ZNF555: variants seen among roughly 807,000 people sequenced by gnomAD.
ZNF555 encodes zinc finger protein 555.
A neutral mutation model predicts 14.0 loss-of-function variants in ZNF555; 10 were observed. That is an observed-to-expected ratio of 0.72 (90% CI 0.44 to 1.21). The LOEUF is 1.21. Among genes scored for constraint, ZNF555 ranks in the 50% most tolerant of loss-of-function variants. The pLI is 0.00. For synonymous variants in ZNF555, 277 were observed against 262.4 expected, an observed-to-expected ratio of 1.06 and a Z score of -0.54; for missense variants, 747 against 762.0, an observed-to-expected ratio of 0.98 and a Z score of 0.23.
At chr19:2,846,447 A>G (rs953896127) in intron 1 of ZNF555, among the ~76,000 whole-genome samples, 1 of 152,216 alleles carries the variant, frequency 6.6e-6, no homozygotes, top group Non-Finnish European at 1.5e-5. Flanking sequence ...TGGACCAGCC[A>G]GCACCCCTGA....
Position 2,853,190 on chromosome 19 carries a change from GA to G in ZNF555, c.1126del (p.Thr376ProfsTer40). 6.2e-7 allele frequency: 1 copy of G among 1,612,534 alleles called. No individual in the cohort carries two copies. The highest frequency in any genetic ancestry group is 8.5e-7 in the Non-Finnish European group (1 of 1,179,576). On this transcript the variant is annotated frameshift_variant, in exon 4 of 4. Coordinates refer to ENST00000334241, the MANE Select transcript of ZNF555 (RefSeq NM_152791.5). LOFTEE classifies it low-confidence loss of function (END_TRUNC). ...KPYECKQCGK[T>X]FIYPQSFRRH... ...CCTACGAATGCAAACAGTGTGGGAA[GA>G]CCTTCATTTATCCCCAGTCCTTTCG...
chr19:2,847,357 G>T (rs146101620), intron 1 of ZNF555: 5 of 152,152 alleles, frequency 3.3e-5, no homozygotes, highest in African/African-American at 9.7e-5. Flanking sequence ...GTCAGCGGAG[G>T]GGGGAGGGAT....
In ZNF555 at chr19:2,853,576, C is replaced by T. The variant is rs1261742842; in HGVS notation, c.1511C>T (p.Ala504Val). The T allele has an allele frequency of 3.5e-5, 56 of 1,608,938 alleles. No individual in the cohort carries two copies. In the Admixed American group the frequency reaches 8.4e-4, roughly 24 times the overall value. ...SLQKHMRRHT[A>V]EKLYKCKQCG... Reference sequence around the variant, plus strand: ...CAAAAACATATGAGAAGACATACCGCAGAGAAACTCTATAAATGCAAGCAG... The same window carrying T: ...CAAAAACATATGAGAAGACATACCGTAGAGAAACTCTATAAATGCAAGCAG... Residue 504 changes from alanine to valine, a missense_variant, in exon 4 of 4, where the codon GCA (alanine) becomes GTA (valine). Transcript: ENST00000334241.
At chr19:2,849,059 C>T (rs1031902509) in intron 1 of ZNF555, among the ~76,000 whole-genome samples, 6 of 152,134 alleles carry the variant, frequency 3.9e-5, no homozygotes, top group Non-Finnish European at 8.8e-5. Flanking sequence ...TTAAGGCTAA[C>T]CCAGGGAGCT....
At chr19:2,844,096 T>C (rs55998086) in intron 1 of ZNF555, among the ~76,000 whole-genome samples, 103,383 of 135,928 alleles carry the variant, frequency 0.76, 39,538 homozygotes, top group Admixed American at 0.82. Flanking sequence ...TCTCTCTCTT[T>C]TCTTTTTTTT....
Position 2,851,493 on chromosome 19 carries a change from T to G in ZNF555, c.156T>G (p.Ser52Arg), listed in dbSNP as rs139695647. The G allele has an allele frequency of 1.3e-6, 2 of 1,588,708 alleles. No homozygotes were observed. Among genetic ancestry groups the G allele is most frequent in the South Asian group, 2.3e-5 (2 of 86,162 alleles). The change falls in exon 3 of 4, where the codon AGT (serine) becomes AGG (arginine). Residue 52 changes from serine (S) to arginine (R), a missense_variant. Ser to Arg is a moderately radical substitution (Grantham distance 110). Coordinates refer to ENST00000334241, the MANE Select transcript of ZNF555 (RefSeq NM_152791.5). ...ATGATGAAACTCAATTTAAGGCCAG[T>G]GGGTCAGTTTCTCAGCAGGATATTT... ...SVDDETQFKA[S>R]GSVSQQDIYG...
chr19:2,844,966 T>C (rs1473866778), intron 1 of ZNF555, among the ~76,000 whole-genome samples: 3 of 151,954 alleles, frequency 2.0e-5, no homozygotes, highest in African/African-American at 7.2e-5. Context: ...GGAATCATTA[T>C]TTTTTTAATT....
Position 2,857,358 on chromosome 19 carries a change from C to T in ZNF555, c.*3406C>T, listed in dbSNP as rs2087691856. 6.6e-6 allele frequency: 1 copy of T among 152,076 alleles called. No homozygotes were observed. The highest frequency in any genetic ancestry group is 2.4e-5 in the African/African-American group (1 of 41,388). The allele number at this position is 152,076 out of a possible 1,614,324, so 9.4% of individuals were successfully genotyped here. Reference sequence around the variant, plus strand: ...GTTTGAAGGCTTAACCTGTGCTTAACCTATATTGGGCATTGTCAAGACTTA... The same window carrying T: ...GTTTGAAGGCTTAACCTGTGCTTAATCTATATTGGGCATTGTCAAGACTTA... On this transcript the variant is annotated 3_prime_UTR_variant, in exon 4 of 4. Coordinates refer to ENST00000334241, the MANE Select transcript of ZNF555 (RefSeq NM_152791.5).
At position 2,857,879 on chromosome 19, in the gene ZNF555, A is replaced by G. The variant is rs2087697038; in HGVS notation, c.*3927A>G. ...ATACAAAACATTCCTGAAACTTGAC[A>G]TGTAAGTTCGCAATAAGACTTTTCC... On this transcript the variant is annotated 3_prime_UTR_variant, in exon 4 of 4. Transcript: ENST00000334241. 6.6e-6 allele frequency: 1 copy of G among 152,186 alleles called. No individual in the cohort carries two copies. Among genetic ancestry groups the G allele is most frequent in the East Asian group, 1.9e-4 (1 of 5,182 alleles). 9.4% of individuals were successfully genotyped at this position (152,186 alleles called of 1,614,324 possible). A position where few individuals can be genotyped will look rare whatever the true frequency, so the allele number is the denominator to read the frequency against.
rs1211031342 is a variant in ZNF555 at position 2,852,952 on chromosome 19, C to G, written c.887C>G (p.Ser296Cys). Residue 296 changes from serine (S) to cysteine (C), a missense_variant, in exon 4 of 4, where the codon TCC (serine) becomes TGC (cysteine). Ser to Cys is a moderately radical substitution (Grantham distance 112). Coordinates refer to ENST00000334241, the MANE Select transcript of ZNF555 (RefSeq NM_152791.5). Reference protein sequence around the residue: ...CKECAEAFSYSSTFRRHMISH... With the variant: ...CKECAEAFSYCSTFRRHMISH... ...GAATGTGCGGAAGCCTTTAGTTATT[C>G]CTCAACTTTTCGAAGACATATGATT... 4 of 1,614,192 alleles carry G rather than the reference C, an allele frequency of 2.5e-6. No individual in the cohort carries two copies. Among genetic ancestry groups the G allele is most frequent in the Non-Finnish European group, 3.4e-6 (4 of 1,180,038 alleles).
At position 2,851,492 on chromosome 19, in the gene ZNF555, G is replaced by T. The variant is rs778058539; in HGVS notation, c.155G>T (p.Ser52Ile). 1.9e-6 allele frequency: 3 copies of T among 1,588,260 alleles called. No homozygotes were observed. Among genetic ancestry groups the T allele is most frequent in the African/African-American group, 2.7e-5 (2 of 73,286 alleles). The change falls in exon 3 of 4, where the codon AGT becomes ATT. Residue 52 changes from serine to isoleucine, a missense_variant. Coordinates refer to ENST00000334241, the MANE Select transcript of ZNF555 (RefSeq NM_152791.5). Reference protein sequence around the residue: ...SVDDETQFKASGSVSQQDIYG... With the variant: ...SVDDETQFKAIGSVSQQDIYG... ...GATGATGAAACTCAATTTAAGGCCA[G>T]TGGGTCAGTTTCTCAGCAGGATATT...
intron 1 of ZNF555, chr19:2,847,462 G>A (rs1398179625): frequency 2.0e-5 from 3 of 152,094 alleles, no homozygotes; most frequent in African/African-American, 7.2e-5. Flanking sequence ...CCTGCACATT[G>A]TGCACATGTA....
chr19:2,841,615 A>G (rs2087536489), intron 1 of ZNF555, 40 bp downstream of exon 1: 3 of 1,491,206 alleles, frequency 2.0e-6, no homozygotes, highest in African/African-American at 2.9e-5. Flanking sequence ...GCGGGGCAGC[A>G]GGAACCGGCG....
chr19:2,842,070 C>A (rs948688042), intron 1 of ZNF555, among the ~76,000 whole-genome samples: 5 of 152,028 alleles, frequency 3.3e-5, no homozygotes, highest in Admixed American at 3.3e-4. Flanking sequence ...CGCTCGCGCT[C>A]CCGCGGCTCA....
In ZNF555 at chr19:2,852,992, G is replaced by T; in HGVS notation, c.927G>T (p.Glu309Asp). The T allele has an allele frequency of 6.2e-7, 1 of 1,614,228 alleles. No individual in the cohort carries two copies. ...FRRHMISHTGEKPHKCKECGE... is the reference protein window; with the variant it reads ...FRRHMISHTGDKPHKCKECGE... ...GACATATGATTTCACACACTGGAGA[G>T]AAGCCACATAAATGTAAAGAATGTG... Residue 309 changes from glutamate to aspartate, a missense_variant, in exon 4 of 4, where the codon GAG becomes GAT. Glu to Asp is a conservative substitution (Grantham distance 45, BLOSUM62 2). Transcript: ENST00000334241.
intron 1 of ZNF555, among the ~76,000 whole-genome samples, chr19:2,842,155 G>A (rs2087542784): frequency 6.6e-6 from 1 of 152,128 alleles, no homozygotes; most frequent in African/African-American, 2.4e-5. Context: ...GCCCGGGAGC[G>A]GTGGGGCCTC....
chr19:2,849,864 G>C (rs1306839286), intron 1 of ZNF555, among the ~76,000 whole-genome samples: 12 of 152,142 alleles, frequency 7.9e-5, no homozygotes, highest in Non-Finnish European at 1.6e-4. Context: ...TATACTTAGT[G>C]AGTGTGCCTG....
chr19:2,856,080 A>G lies in ZNF555; in HGVS notation c.*2128A>G, dbSNP rs996528379. 6.6e-6 allele frequency: 1 copy of G among 152,218 alleles called. No individual in the cohort carries two copies. The highest frequency in any genetic ancestry group is 1.5e-5 in the Non-Finnish European group (1 of 68,038). 9.4% of individuals were successfully genotyped at this position (152,218 alleles called of 1,614,324 possible). On this transcript the variant is annotated 3_prime_UTR_variant, in exon 4 of 4. Transcript: ENST00000334241. ...CGAGAGAATTACAGATTTCAAATCA[A>G]CTTTGTAATTTTGATAATTTAAGCA...
Position 2,852,572 on chromosome 19 carries a change from C to A in ZNF555, c.507C>A (p.His169Gln). The A allele has an allele frequency of 1.2e-6, 2 of 1,614,176 alleles. No individual in the cohort carries two copies. The highest frequency in any genetic ancestry group is 1.7e-6 in the Non-Finnish European group (2 of 1,180,048). ...GTCCCATCACAGTTCACACTGGACA[C>A]AAACCATATCAGTGCCAGGAATGTG... ...LKSPITVHTGHKPYQCQECGQ... is the reference protein window; with the variant it reads ...LKSPITVHTGQKPYQCQECGQ... The change falls in exon 4 of 4, where the codon CAC becomes CAA. Residue 169 changes from histidine to glutamine, a missense_variant. Transcript: ENST00000334241.
Sources: gnomAD v4.1 joint callset for allele counts (sites outside exome capture counted in the v4.1 genomes callset) on GRCh38, gnomAD v4.1.1 for gene constraint, MANE v1.5 for transcripts, NCBI Gene and HGNC (gene_info 2026-07-23, HGNC 2026-07-21) for gene names.